Variants in ZFAND6 observed in about 807,000 individuals in gnomAD.
The protein encoded by ZFAND6 is zinc finger AN1-type containing 6.
ZFAND6 carries 12 observed loss-of-function variants against 24.5 expected under a neutral mutation model. That is an observed-to-expected ratio of 0.49 (90% CI 0.31 to 0.79). The LOEUF (loss-of-function observed/expected upper bound fraction) is 0.79, where lower values mean the gene tolerates loss of function less well. Among genes scored for constraint, ZFAND6 ranks in the 30% least tolerant of loss-of-function variants. The probability of loss-of-function intolerance (pLI) is 0.04; values close to 1 mark genes in which losing one functional copy is unlikely to be tolerated. For synonymous variants in ZFAND6, 92 were observed against 81.5 expected, an observed-to-expected ratio of 1.13 and a Z score of -0.69; for missense variants, 207 against 245.9, an observed-to-expected ratio of 0.84 and a Z score of 1.06.
intron 2 of ZFAND6, among the ~76,000 whole-genome samples, chr15:80,119,810 T>TA (rs2040067323): frequency 6.6e-6 from 1 of 152,198 alleles, no homozygotes; most frequent in Non-Finnish European, 1.5e-5. Context: ...TGAACCAATT[T>TA]ATTATCATTT....
chr15:80,059,994 G>C (rs1168227657), intron 1 of ZFAND6, among the ~76,000 whole-genome samples, 185 bp downstream of exon 1: 2 of 151,296 alleles, frequency 1.3e-5, no homozygotes, highest in African/African-American at 4.8e-5. Flanking sequence ...GCGGGCGAGA[G>C]GGCGAGGACT....
intron 1 of ZFAND6, among the ~76,000 whole-genome samples, chr15:80,079,330 C>T (rs1346884277): frequency 6.6e-6 from 1 of 151,912 alleles, no homozygotes; most frequent in African/African-American, 2.4e-5. Flanking sequence ...ACGCCATTCT[C>T]CTGCCTCAGC....
intron 6 of ZFAND6, among the ~76,000 whole-genome samples, chr15:80,137,182 A>G (rs754093176): frequency 2.2e-4 from 33 of 152,218 alleles, no homozygotes; most frequent in Non-Finnish European, 4.3e-4. Flanking sequence ...GATTTGAAAA[A>G]TGTTTTACAT....
chr15:80,104,352 G>T (rs189395332), intron 2 of ZFAND6, among the ~76,000 whole-genome samples: 1 of 152,248 alleles, frequency 6.6e-6, no homozygotes, highest in Admixed American at 6.5e-5. Flanking sequence ...GTGAAACCCC[G>T]TCTCTTCTAA....
chr15:80,130,103 A>T (rs1373203694), intron 5 of ZFAND6: 1 of 152,228 alleles, frequency 6.6e-6, no homozygotes, highest in Non-Finnish European at 1.5e-5. Context: ...GAACACCATT[A>T]GATTTTCACT....
chr15:80,102,858 G>T (rs1298740678), intron 2 of ZFAND6, among the ~76,000 whole-genome samples: 1 of 152,130 alleles, frequency 6.6e-6, no homozygotes, highest in African/African-American at 2.4e-5. Flanking sequence ...TCTAGTCAGG[G>T]ACCAGAACAC....
At chr15:80,079,978 C>T (rs2037553734) in intron 1 of ZFAND6, among the ~76,000 whole-genome samples, 2 of 151,074 alleles carry the variant, frequency 1.3e-5, no homozygotes, top group African/African-American at 2.4e-5. Flanking sequence ...AATACACAAC[C>T]GTTTTTCTGT....
Position 80,068,294 on chromosome 15 carries a change from C to T in ZFAND6, c.-181+8485C>T, listed in dbSNP as rs542571210. Reference sequence around the variant, plus strand: ...TCCTAAGTAGCTGGGACTACAGGCGCGCCACCATGCCTGTATAATTTTTAA... The same window carrying T: ...TCCTAAGTAGCTGGGACTACAGGCGTGCCACCATGCCTGTATAATTTTTAA... On this transcript the variant is annotated intron_variant, in intron 1 of 6. Coordinates refer to ENST00000261749, the MANE Select transcript of ZFAND6 (RefSeq NM_019006.4). Among the ~76,000 whole-genome samples the T allele has an allele frequency of 7.9e-5, 12 of 151,714 alleles. 1 individual carries two copies. Among genetic ancestry groups the T allele is most frequent in the South Asian group, 2.1e-4 (1 of 4,794 alleles).
intron 2 of ZFAND6, among the ~76,000 whole-genome samples, chr15:80,118,975 T>A (rs1024680047): frequency 2.1e-4 from 32 of 152,226 alleles, no homozygotes; most frequent in Admixed American, 6.5e-5. Context: ...ACATTTTCCT[T>A]CTTTGGTTAG....
chr15:80,068,789 A>G (rs1309368606), intron 1 of ZFAND6, among the ~76,000 whole-genome samples: 1 of 152,258 alleles, frequency 6.6e-6, no homozygotes, highest in Admixed American at 6.5e-5. Flanking sequence ...CTACTAGGAA[A>G]TAGAAAACCA....
At chr15:80,119,094 G>A (rs1198910718) in intron 2 of ZFAND6, among the ~76,000 whole-genome samples, 3 of 75,148 alleles carry the variant, frequency 4.0e-5, no homozygotes, top group African/African-American at 7.7e-5. Flanking sequence ...AAGAGAGCCC[G>A]TTAGTACTTC....
chr15:80,077,538 G>T (rs116535029), intron 1 of ZFAND6, among the ~76,000 whole-genome samples: 1,922 of 151,924 alleles, frequency 0.013, 39 homozygotes, highest in African/African-American at 0.043. Context: ...AAAGGAAAAA[G>T]GTCAAATTGA....
At chr15:80,117,284 A>T (rs762017777) in intron 2 of ZFAND6, among the ~76,000 whole-genome samples, 2 of 151,498 alleles carry the variant, frequency 1.3e-5, no homozygotes, top group South Asian at 4.2e-4. Flanking sequence ...GTGCAGTGGC[A>T]CGATCTTGGC....
intron 2 of ZFAND6, among the ~76,000 whole-genome samples, chr15:80,110,985 A>G (rs922259981): frequency 2.0e-5 from 3 of 152,228 alleles, no homozygotes; most frequent in Non-Finnish European, 4.4e-5. Flanking sequence ...CCTGCAAGAA[A>G]TAGATGTTCT....
intron 5 of ZFAND6, among the ~76,000 whole-genome samples, chr15:80,128,982 C>G (rs563693829): frequency 6.6e-6 from 1 of 152,226 alleles, no homozygotes; most frequent in East Asian, 1.9e-4. Context: ...ATGTTACTGC[C>G]ATTAAATGGG....
At chr15:80,102,816 T>A (rs2039106810) in intron 2 of ZFAND6, among the ~76,000 whole-genome samples, 1 of 152,232 alleles carries the variant, frequency 6.6e-6, no homozygotes, top group African/African-American at 2.4e-5. Context: ...CTATTAATGT[T>A]ATGTTCTAAA....
intron 5 of ZFAND6, among the ~76,000 whole-genome samples, chr15:80,128,925 G>A (rs1033713721): frequency 6.6e-6 from 1 of 152,160 alleles, no homozygotes; most frequent in Non-Finnish European, 1.5e-5. Context: ...TCAAATTTGT[G>A]TCTCAGTAGT....
At chr15:80,087,861 A>G (rs1334323543) in intron 1 of ZFAND6, among the ~76,000 whole-genome samples, 1 of 152,132 alleles carries the variant, frequency 6.6e-6, no homozygotes, top group African/African-American at 2.4e-5. Context: ...TGTATTATGC[A>G]TGCATATATA....
At chr15:80,069,221 A>C (rs2036834562) in intron 1 of ZFAND6, among the ~76,000 whole-genome samples, 1 of 152,178 alleles carries the variant, frequency 6.6e-6, no homozygotes, top group African/African-American at 2.4e-5. Context: ...GATCTATGAT[A>C]TGTTGTTTGG....
Sources: allele counts gnomAD v4.1 joint callset (sites outside exome capture counted in the v4.1 genomes callset), GRCh38; gene constraint gnomAD v4.1.1; transcripts MANE v1.5; gene names NCBI Gene and HGNC (gene_info 2026-07-23, HGNC 2026-07-21).